GALNT17: variants seen among roughly 807,000 people sequenced by gnomAD.
GALNT17 encodes polypeptide N-acetylgalactosaminyltransferase 17, also known as UDP-GalNAc:polypeptide N-acetylgalactosaminyltransferase-like 3.
In GALNT17, 29 loss-of-function variants were observed where a neutral mutation model predicts 63.7. The observed-to-expected ratio is 0.46, with a 90% CI of 0.34 to 0.62. GALNT17 has a LOEUF of 0.62. GALNT17 is among the 20% of genes least tolerant of loss of function. The probability of loss-of-function intolerance (pLI) is 0.01; values close to 1 mark genes in which losing one functional copy is unlikely to be tolerated. For synonymous variants in GALNT17, 305 were observed against 318.3 expected (o/e 0.96, Z 0.45); for missense variants, 603 against 799.6 (o/e 0.75, Z 2.97).
chr7:71,689,111 G>A (rs73702273), intron 9 of GALNT17, among the ~76,000 whole-genome samples: 15,202 of 152,146 alleles, frequency 0.1, 1,075 homozygotes, highest in African/African-American at 0.19. Context: ...GACCGCGAAC[G>A]TAAATCATAA....
intron 1 of GALNT17, among the ~76,000 whole-genome samples, chr7:71,238,264 G>C (rs1583787841): frequency 6.6e-6 from 1 of 152,208 alleles, no homozygotes. Context: ...GCATGGAGGG[G>C]ACTCTGGTTC....
chr7:71,198,604 A>G (rs191017372), intron 1 of GALNT17, among the ~76,000 whole-genome samples: 1 of 152,336 alleles, frequency 6.6e-6, no homozygotes, highest in Admixed American at 6.5e-5. Context: ...ACTGACACCA[A>G]CACAGACCTG....
At chr7:71,497,373 T>G (rs1788113235) in intron 5 of GALNT17, among the ~76,000 whole-genome samples, 1 of 152,208 alleles carries the variant, frequency 6.6e-6, no homozygotes, top group Non-Finnish European at 1.5e-5. Flanking sequence ...TGGTTCTTTC[T>G]GAGGCCTCTC....
In GALNT17 at chr7:71,186,150, G is replaced by A. The variant is rs999052292; in HGVS notation, c.238+53110G>A. Among the ~76,000 whole-genome samples, 5 of 152,272 alleles carry A rather than the reference G, an allele frequency of 3.3e-5. No individual in the cohort carries two copies. The South Asian group carries it at 1.0e-3, about 32-fold the overall frequency. ...GCAACCCACATTTTTGAACAAGGAG[G>A]ATTCTGCTCTTTATGGGTCTTTTAG... On this transcript the variant is annotated intron_variant, in intron 1 of 10. Coordinates refer to ENST00000333538, the MANE Select transcript of GALNT17 (RefSeq NM_022479.3).
chr7:71,615,557 A>T (rs577369151), intron 6 of GALNT17, among the ~76,000 whole-genome samples: 3 of 139,928 alleles, frequency 2.1e-5, no homozygotes, highest in Non-Finnish European at 4.5e-5. Flanking sequence ...GCTCACTGCA[A>T]CCTCTGCCTC....
At chr7:71,328,289 TAACTC>T (rs1247899233) in intron 1 of GALNT17, among the ~76,000 whole-genome samples, 1 of 152,186 alleles carries the variant, frequency 6.6e-6, no homozygotes, top group East Asian at 1.9e-4. Flanking sequence ...CTTAATAAAA[TAACTC>T]AGGCGGAAAA....
intron 5 of GALNT17, among the ~76,000 whole-genome samples, chr7:71,459,293 G>A (rs1787411290): frequency 6.6e-6 from 1 of 152,186 alleles, no homozygotes; most frequent in Non-Finnish European, 1.5e-5. Flanking sequence ...GACAGAAACA[G>A]CTGGGCTGAT....
chr7:71,573,028 G>A (rs1789475775), intron 6 of GALNT17, among the ~76,000 whole-genome samples: 1 of 149,808 alleles, frequency 6.7e-6, no homozygotes, highest in Admixed American at 6.6e-5. Context: ...TATTTTATTT[G>A]AGATGAAGTC....
chr7:71,493,213 C>T (rs1176445594), intron 5 of GALNT17, among the ~76,000 whole-genome samples: 2 of 152,090 alleles, frequency 1.3e-5, no homozygotes, highest in African/African-American at 2.4e-5. Context: ...GTTTTTCCTC[C>T]AGGACAGTGA....
At chr7:71,505,929 C>T (rs965528655) in intron 5 of GALNT17, among the ~76,000 whole-genome samples, 1 of 152,190 alleles carries the variant, frequency 6.6e-6, no homozygotes, top group Non-Finnish European at 1.5e-5. Context: ...GCTTCATATA[C>T]ACTTGAGATT....
At chr7:71,359,518 A>G (rs1013032434) in intron 2 of GALNT17, among the ~76,000 whole-genome samples, 14 of 152,172 alleles carry the variant, frequency 9.2e-5, no homozygotes, top group Non-Finnish European at 1.0e-4. Context: ...CCCGACTCCA[A>G]CTTTGGGAAT....
intron 6 of GALNT17, among the ~76,000 whole-genome samples, chr7:71,597,057 A>T (rs1282314251): frequency 6.6e-6 from 1 of 151,932 alleles, no homozygotes; most frequent in Admixed American, 6.6e-5. Flanking sequence ...GTTTGTTTTG[A>T]GGTGGAGTCT....
At chr7:71,463,070 T>A (rs1787478106) in intron 5 of GALNT17, among the ~76,000 whole-genome samples, 3 of 152,150 alleles carry the variant, frequency 2.0e-5, no homozygotes, top group Non-Finnish European at 2.9e-5. Context: ...TTTTGAGGGT[T>A]CTGGAATGGG....
At chr7:71,525,875 G>T (rs1006116959) in intron 5 of GALNT17, among the ~76,000 whole-genome samples, 2 of 151,398 alleles carry the variant, frequency 1.3e-5, no homozygotes, top group Middle Eastern at 3.4e-3. Flanking sequence ...GACTGCTTGG[G>T]ACTACAGGTG....
intron 2 of GALNT17, among the ~76,000 whole-genome samples, chr7:71,344,790 T>C (rs910367964): frequency 6.6e-6 from 1 of 152,164 alleles, no homozygotes; most frequent in Non-Finnish European, 1.5e-5. Context: ...AACTAAGGAC[T>C]AAGCAGGGAT....
At chr7:71,534,805 T>C (rs1339280042) in intron 5 of GALNT17, among the ~76,000 whole-genome samples, 1 of 152,136 alleles carries the variant, frequency 6.6e-6, no homozygotes, top group Non-Finnish European at 1.5e-5. Flanking sequence ...TTCAGTTCTA[T>C]GCAAAAATCG....
intron 6 of GALNT17, among the ~76,000 whole-genome samples, chr7:71,592,974 C>G (rs376924429): frequency 2.4e-4 from 36 of 152,074 alleles, no homozygotes; most frequent in East Asian, 2.3e-3. Context: ...TAGTGAAACT[C>G]TTGTCTCTAC....
chr7:71,341,218 T>G (rs1792000220), intron 2 of GALNT17, among the ~76,000 whole-genome samples: 2 of 151,958 alleles, frequency 1.3e-5, no homozygotes, highest in African/African-American at 4.8e-5. Context: ...ATAAGTAATT[T>G]AATAAAGAGT....
rs375368961 is a variant in GALNT17, at chr7:71,665,616, C to T, written c.1266+20C>T. 1.2e-6 allele frequency: 2 copies of T among 1,609,510 alleles called. No individual in the cohort carries two copies. Among genetic ancestry groups the T allele is most frequent in the African/African-American group, 1.3e-5 (1 of 74,654 alleles). On this transcript the variant is annotated intron_variant, in intron 7 of 10. Coordinates refer to ENST00000333538, the MANE Select transcript of GALNT17 (RefSeq NM_022479.3). ...CTGGAGGTAGGGATCACCAGCCTTT[C>T]CCCACCACCCCAGTACAGTGATCCT...
Sources: gnomAD v4.1 joint callset for allele counts (sites outside exome capture counted in the v4.1 genomes callset) on GRCh38, gnomAD v4.1.1 for gene constraint, MANE v1.5 for transcripts, NCBI Gene and HGNC (gene_info 2026-07-23, HGNC 2026-07-21) for gene names.